Variants in TBC1D1 observed in about 807,000 individuals in gnomAD.
TBC1D1 encodes TBC1 domain family member 1.
TBC1D1 carries 89 observed loss-of-function variants against 125.6 expected under a neutral mutation model. The ratio of observed to expected loss-of-function variants is 0.71; its 90% confidence interval spans 0.60 to 0.85. The LOEUF is 0.85. Ranked by LOEUF, TBC1D1 falls within the 40% of genes least tolerant of loss-of-function variation. The pLI, the probability that TBC1D1 is intolerant of heterozygous loss-of-function variation, is 0.00. For synonymous variants in TBC1D1, 565 were observed against 564.1 expected (o/e 1.00, Z -0.02); for missense variants, 1,377 against 1,469.2 (o/e 0.94, Z 1.03).
At position 38,014,816 on chromosome 4, in the gene TBC1D1, G is replaced by C. The variant is rs1338423068; in HGVS notation, c.725G>C (p.Arg242Pro). ...AAGTCCTTCTCCCAGCCCGGCCTGCGCTCGCTGGCCTTTAGGAAGGAGCTG... is the reference window on the plus strand; with the variant it reads ...AAGTCCTTCTCCCAGCCCGGCCTGCCCTCGCTGGCCTTTAGGAAGGAGCTG... The change falls in exon 3 of 20, where the codon CGC (arginine) becomes CCC (proline). Residue 242 changes from arginine to proline, a missense_variant. This residue lies in a region of TBC1D1 where 822 missense variants were observed against 824.6 expected (regional missense o/e 1.00). Transcript: ENST00000261439. This position sits in a 1 kb window ranked among gnomAD's most constrained non-coding sequence, Gnocchi z 5.1. 1.9e-6 allele frequency: 3 copies of C among 1,608,742 alleles called. No individual in the cohort carries two copies. The highest frequency in any genetic ancestry group is 2.5e-6 in the Non-Finnish European group (3 of 1,177,144).
intron 15 of TBC1D1, among the ~76,000 whole-genome samples, chr4:38,106,618 C>G (rs550012780): frequency 4.3e-4 from 66 of 152,278 alleles, no homozygotes; most frequent in Non-Finnish European, 8.2e-4. Flanking sequence ...ACACTTGCTC[C>G]AAGGCTGGGA....
intron 2 of TBC1D1, among the ~76,000 whole-genome samples, chr4:37,931,972 ATC>A (rs1723362278): frequency 6.6e-6 from 1 of 151,926 alleles, no homozygotes; most frequent in Non-Finnish European, 1.5e-5. Flanking sequence ...TCTATTCTGT[ATC>A]TGTTTCCCTA....
At chr4:37,959,882 G>T (rs1305278153) in intron 2 of TBC1D1, among the ~76,000 whole-genome samples, 1 of 152,164 alleles carries the variant, frequency 6.6e-6, no homozygotes, top group Non-Finnish European at 1.5e-5. Flanking sequence ...CTGCATGCTG[G>T]ATTGTCTGCC....
At chr4:38,124,152 A>G (rs76942959) in intron 17 of TBC1D1, among the ~76,000 whole-genome samples, 2 of 152,304 alleles carry the variant, frequency 1.3e-5, no homozygotes, top group East Asian at 3.9e-4. Flanking sequence ...TTATTAGGTA[A>G]CCTGCCTCAG....
intron 2 of TBC1D1, among the ~76,000 whole-genome samples, chr4:37,948,767 C>T (rs1431135884): frequency 6.6e-6 from 1 of 152,130 alleles, no homozygotes; most frequent in African/African-American, 2.4e-5. Flanking sequence ...TCAGCTGTCA[C>T]CCCCCGTCTT....
chr4:38,090,229 G>T, intron 13 of TBC1D1, 112 bp downstream of exon 15: 4 of 981,248 alleles, frequency 4.1e-6, no homozygotes, highest in Non-Finnish European at 6.3e-6. Flanking sequence ...ATAGTCTAAT[G>T]TATACATCTA....
At chr4:38,093,524 C>CCG (rs1242056256) in intron 13 of TBC1D1, among the ~76,000 whole-genome samples, 2 of 149,788 alleles carry the variant, frequency 1.3e-5, no homozygotes, top group Non-Finnish European at 3.0e-5. Flanking sequence ...CGTTTTCCCC[C>CCG]CCCTTTTTTT....
intron 12 of TBC1D1, among the ~76,000 whole-genome samples, chr4:38,055,396 C>A (rs749474133): frequency 6.6e-6 from 1 of 152,208 alleles, no homozygotes; most frequent in Admixed American, 6.5e-5. Flanking sequence ...TTAATTATGC[C>A]TGTTGCCACA....
chr4:37,972,685 C>A (rs1444813073), intron 2 of TBC1D1, among the ~76,000 whole-genome samples: 1 of 151,730 alleles, frequency 6.6e-6, no homozygotes, highest in African/African-American at 2.4e-5. Flanking sequence ...GCGGGCGGGT[C>A]ACCTGAGGTC....
intron 2 of TBC1D1, among the ~76,000 whole-genome samples, chr4:37,947,242 C>T (rs1726893778): frequency 6.6e-6 from 1 of 152,180 alleles, no homozygotes; most frequent in Admixed American, 6.5e-5. Flanking sequence ...CTGCAACCTC[C>T]ACTTCCTGGG....
chr4:38,041,337 G>A (rs1748330793), intron 8 of TBC1D1, among the ~76,000 whole-genome samples: 1 of 152,186 alleles, frequency 6.6e-6, no homozygotes, highest in Admixed American at 6.5e-5. Flanking sequence ...CCGTATAAAG[G>A]TGAACTTTCC....
chr4:38,090,705 T>G (rs1372841328), intron 13 of TBC1D1, among the ~76,000 whole-genome samples: 1 of 152,218 alleles, frequency 6.6e-6, no homozygotes, highest in African/African-American at 2.4e-5. Flanking sequence ...ATCTTCAAAG[T>G]AGCTTAAGAT....
intron 7 of TBC1D1, 79 bp from the exon 8 acceptor site, chr4:38,035,509 C>A: frequency 9.2e-7 from 1 of 1,088,950 alleles, no homozygotes; most frequent in Non-Finnish European, 1.4e-6. Flanking sequence ...TGGATGGAAG[C>A]TGTTAGCATT....
intron 2 of TBC1D1, among the ~76,000 whole-genome samples, chr4:38,008,866 G>A (rs569230669): frequency 2.6e-5 from 4 of 152,310 alleles, no homozygotes; most frequent in East Asian, 3.9e-4. Context: ...TCACATATGC[G>A]TGAGCCTCCT....
chr4:38,122,457 C>T (rs1274981269), intron 17 of TBC1D1, among the ~76,000 whole-genome samples: 2 of 152,208 alleles, frequency 1.3e-5, no homozygotes, highest in South Asian at 2.1e-4. Context: ...CAGGCTCCTG[C>T]ACACCTCCCT....
chr4:38,035,731 A>T, intron 8 of TBC1D1, 33 bp downstream of exon 8: 1 of 1,499,846 alleles, frequency 6.7e-7, no homozygotes, highest in Non-Finnish European at 9.3e-7. Flanking sequence ...AATTGTTGCC[A>T]AGTCTCTGCC....
At chr4:38,021,512 A>G (rs571158803) in intron 5 of TBC1D1, 74 bp from the exon 6 acceptor site, 10 of 1,359,566 alleles carry the variant, frequency 7.4e-6, no homozygotes, top group South Asian at 4.9e-5. Flanking sequence ...TTTTCCAAAG[A>G]TTTTCTGACA....
chr4:37,976,231 G>A (rs192942100), intron 2 of TBC1D1, among the ~76,000 whole-genome samples: 1 of 152,300 alleles, frequency 6.6e-6, no homozygotes, highest in East Asian at 1.9e-4. Context: ...CTAAATACGG[G>A]CAACACCTAT....
At chr4:37,914,276 T>C (rs530703192) in intron 2 of TBC1D1, among the ~76,000 whole-genome samples, 1 of 152,340 alleles carries the variant, frequency 6.6e-6, no homozygotes, top group East Asian at 1.9e-4. Context: ...AGTTGGCTGT[T>C]AACTACACAT....
Sources: allele counts gnomAD v4.1 joint callset (sites outside exome capture counted in the v4.1 genomes callset), GRCh38; gene constraint gnomAD v4.1.1; regional missense constraint gnomAD v4.1.1; non-coding constraint Gnocchi (gnomAD v3.1); transcripts MANE v1.5; gene names NCBI Gene and HGNC (gene_info 2026-07-23, HGNC 2026-07-21).